The following CEP128 variants were observed in gnomAD, a reference collection of about 807,000 sequenced individuals.
CEP128 encodes the protein centrosomal protein 128, also known as centrosomal protein 128kDa.
A neutral mutation model predicts 156.7 loss-of-function variants in CEP128; 132 were observed. The ratio of observed to expected loss-of-function variants is 0.84; its 90% CI spans 0.73 to 0.97. The LOEUF (loss-of-function observed/expected upper bound fraction) is 0.97, where lower values mean the gene tolerates loss of function less well. CEP128 is among the 50% of genes least tolerant of loss of function. The pLI, the probability that CEP128 is intolerant of heterozygous loss-of-function variation, is 0.00. For synonymous variants in CEP128, 469 were observed against 448.9 expected (o/e 1.04, Z -0.57); for missense variants, 1,252 against 1,281.9 (o/e 0.98, Z 0.36).
intron 19 of CEP128, among the ~76,000 whole-genome samples, chr14:80,730,582 T>C (rs1012518298): frequency 6.6e-6 from 1 of 152,184 alleles, no homozygotes; most frequent in Non-Finnish European, 1.5e-5. Context: ...GAAAGCTTTG[T>C]AGAGAGACAA....
intron 19 of CEP128, among the ~76,000 whole-genome samples, chr14:80,694,140 A>G (rs1896808493): frequency 6.6e-6 from 1 of 152,234 alleles, no homozygotes; most frequent in Non-Finnish European, 1.5e-5. Flanking sequence ...TTATGTGGCC[A>G]ACAAACATAT....
At chr14:80,706,720 A>G (rs1897250570) in intron 19 of CEP128, among the ~76,000 whole-genome samples, 1 of 152,048 alleles carries the variant, frequency 6.6e-6, no homozygotes, top group Non-Finnish European at 1.5e-5. Context: ...ATGTCCTCAA[A>G]TATTCTTTCA....
chr14:80,721,335 T>C (rs1156733600), intron 19 of CEP128, among the ~76,000 whole-genome samples: 1 of 152,160 alleles, frequency 6.6e-6, no homozygotes, highest in Non-Finnish European at 1.5e-5. Flanking sequence ...ATGGCCAGTA[T>C]AAATGATCCT....
At chr14:80,544,191 C>T (rs76806657) in intron 21 of CEP128, among the ~76,000 whole-genome samples, 1,921 of 152,212 alleles carry the variant, frequency 0.013, 41 homozygotes, top group African/African-American at 0.044. Flanking sequence ...TAGAGATAAA[C>T]GTGTATACTA....
downstream of CEP128, among the ~76,000 whole-genome samples, chr14:80,491,989 GACAA>G (rs1447568327): frequency 6.6e-6 from 1 of 152,042 alleles, no homozygotes; most frequent in East Asian, 1.9e-4. Flanking sequence ...AGCAACAATG[GACAA>G]ACAAAATCTA....
At chr14:80,643,603 G>C (rs545734353) in intron 19 of CEP128, among the ~76,000 whole-genome samples, 1 of 152,002 alleles carries the variant, frequency 6.6e-6, no homozygotes, top group Admixed American at 6.6e-5. Context: ...CCAGCTACTC[G>C]GGAGGCTCAG....
chr14:80,717,372 G>A (rs557298334), intron 19 of CEP128, among the ~76,000 whole-genome samples: 1 of 152,264 alleles, frequency 6.6e-6, no homozygotes, highest in African/African-American at 2.4e-5. Context: ...TTCCTGTAGA[G>A]ATTAACAAAT....
At chr14:80,927,493 C>T (rs1442111462) in intron 2 of CEP128, among the ~76,000 whole-genome samples, 2 of 152,180 alleles carry the variant, frequency 1.3e-5, no homozygotes, top group African/African-American at 4.8e-5. Flanking sequence ...GGAATGTCCT[C>T]CAGGTTCAGG....
rs1491470595 is a variant in CEP128, at chr14:80,617,217, A to ACCTTTTTTTTTTTTTTTTTTTTTT, written c.2807-36795_2807-36794insAAAAAAAAAAAAAAAAAAAAAAGG. On this transcript the variant is annotated intron_variant, in intron 19 of 24. Transcript: ENST00000555265. ...AAATCACTTAACCTATGTGAATATCATCTTTTTTTTTTTTTTTTTTTTTTT... is the reference window on the plus strand; with the variant it reads ...AAATCACTTAACCTATGTGAATATCACCTTTTTTTTTTTTTTTTTTTTTTTCTTTTTTTTTTTTTTTTTTTTTTT... Among the ~76,000 whole-genome samples the ACCTTTTTTTTTTTTTTTTTTTTTT allele has an allele frequency of 9.3e-5, 4 of 43,140 alleles. 1 individual carries two copies. Among genetic ancestry groups the ACCTTTTTTTTTTTTTTTTTTTTTT allele is most frequent in the African/African-American group, 2.1e-4 (3 of 14,016 alleles). The allele number at this position is 43,140 out of a possible 152,430, so 28.3% of individuals were successfully genotyped here.
chr14:80,577,394 T>C (rs1891405726), intron 20 of CEP128, among the ~76,000 whole-genome samples: 1 of 152,172 alleles, frequency 6.6e-6, no homozygotes, highest in Admixed American at 6.6e-5. Context: ...ATACCAAAAA[T>C]TGAACTGATC....
At chr14:80,575,971 G>A (rs1361824516) in intron 20 of CEP128, among the ~76,000 whole-genome samples, 1 of 151,820 alleles carries the variant, frequency 6.6e-6, no homozygotes, top group African/African-American at 2.4e-5. Context: ...ATATGAGTAA[G>A]GGCACATGAG....
chr14:80,868,694 G>C (rs892586969), intron 8 of CEP128, among the ~76,000 whole-genome samples: 1 of 152,034 alleles, frequency 6.6e-6, no homozygotes, highest in East Asian at 1.9e-4. Flanking sequence ...CCAGTCAAAA[G>C]ACATAGAGTA....
chr14:80,774,605 A>G (rs1384417246), intron 16 of CEP128, among the ~76,000 whole-genome samples: 1 of 151,744 alleles, frequency 6.6e-6, no homozygotes, highest in African/African-American at 2.4e-5. Flanking sequence ...TTACATATAT[A>G]CATATGTGTG....
At chr14:80,816,962 A>T (rs920650989) in intron 13 of CEP128, among the ~76,000 whole-genome samples, 21 of 27,584 alleles carry the variant, frequency 7.6e-4, no homozygotes, top group African/African-American at 2.1e-3. Flanking sequence ...TTATTGTTTA[A>T]AAAAAAAAAA....
chr14:80,504,490 G>C (rs1887877402), intron 24 of CEP128, among the ~76,000 whole-genome samples: 1 of 152,324 alleles, frequency 6.6e-6, no homozygotes, highest in Admixed American at 6.5e-5. Context: ...AAGATTCACA[G>C]AGTGAAATCT....
intron 14 of CEP128, among the ~76,000 whole-genome samples, chr14:80,479,530 T>C (rs1490451873): frequency 6.6e-6 from 1 of 152,138 alleles, no homozygotes; most frequent in Admixed American, 6.5e-5. Context: ...TTCACTATCA[T>C]GAGAATATCA....
At chr14:80,857,697 T>C (rs1160883010) in intron 9 of CEP128, among the ~76,000 whole-genome samples, 1 of 149,878 alleles carries the variant, frequency 6.7e-6, no homozygotes, top group Non-Finnish European at 1.5e-5. Context: ...GCCGAGATCA[T>C]GCTGCTGCAC....
intron 14 of CEP128, among the ~76,000 whole-genome samples, chr14:80,484,230 G>T (rs140629029): frequency 1.3e-5 from 2 of 152,070 alleles, no homozygotes; most frequent in Admixed American, 6.6e-5. Flanking sequence ...TGCCTGCCTC[G>T]GCCTCCCAAA....
At chr14:80,603,118 C>G (rs1892644097) in intron 19 of CEP128, among the ~76,000 whole-genome samples, 1 of 152,188 alleles carries the variant, frequency 6.6e-6, no homozygotes, top group African/African-American at 2.4e-5. Flanking sequence ...TTTCATTTGT[C>G]CTGGCTCTGG....
Sources: allele counts gnomAD v4.1 joint callset (sites outside exome capture counted in the v4.1 genomes callset), GRCh38; gene constraint gnomAD v4.1.1; transcripts MANE v1.5; gene names NCBI Gene and HGNC (gene_info 2026-07-23, HGNC 2026-07-21).